Variants in TACR2 observed in about 807,000 individuals in gnomAD.
TACR2 encodes the protein tachykinin receptor 2, also known as substance-K receptor.
TACR2 carries 24 observed loss-of-function variants against 28.9 expected under a neutral mutation model. The ratio of observed to expected loss-of-function variants is 0.83; its 90% CI spans 0.60 to 1.17. The LOEUF is 1.17. Among genes scored for constraint, TACR2 ranks in the 50% most tolerant of loss-of-function variants. The pLI, the probability that TACR2 is intolerant of heterozygous loss-of-function variation, is 0.00. For missense variants in TACR2, 487 were observed against 524.4 expected (o/e 0.93, Z 0.70); for synonymous variants, 222 against 212.6 (o/e 1.04, Z -0.38).
At chr10:69,415,897 G>T in intron 1 of TACR2, 35 bp downstream of exon 1, 1 of 1,601,784 alleles carries the variant, frequency 6.2e-7, no homozygotes, top group Non-Finnish European at 8.5e-7. Flanking sequence ...GCTCAGTGGG[G>T]AGGCTCCCCC....
At chr10:69,407,312 G>A in intron 3 of TACR2, 32 bp from the exon 4 acceptor site, 2 of 1,583,178 alleles carry the variant, frequency 1.3e-6, no homozygotes, top group South Asian at 2.3e-5. Context: ...TTACTTCTTA[G>A]TGCCCAAGCC....
chr10:69,415,461 T>G (rs542154314), intron 1 of TACR2, among the ~76,000 whole-genome samples: 1 of 152,294 alleles, frequency 6.6e-6, no homozygotes, highest in African/African-American at 2.4e-5. Flanking sequence ...CATCCAACAT[T>G]AGCCTGAAGC....
At chr10:69,409,364 A>C (rs923699896) in intron 2 of TACR2, 5 of 282,932 alleles carry the variant, frequency 1.8e-5, no homozygotes, top group Non-Finnish European at 3.3e-5. Flanking sequence ...AAAGTGAATG[A>C]AACAAATTAA....
At chr10:69,409,878 TATAC>T (rs1174759947) in intron 2 of TACR2, among the ~76,000 whole-genome samples, 12 of 16,766 alleles carry the variant, frequency 7.2e-4, no homozygotes, top group African/African-American at 4.3e-3. Context: ...TATATATATA[TATAC>T]ATATATACAT....
rs964555719 is a variant in TACR2 at position 69,414,974 on chromosome 10, G to A, written c.558C>T (p.Pro186=). The A allele has an allele frequency of 1.2e-6, 2 of 1,612,878 alleles. No homozygotes were observed. Among genetic ancestry groups the A allele is most frequent in the Non-Finnish European group, 1.7e-6 (2 of 1,179,460 alleles). The change falls in exon 2 of 5, where the codon CCC becomes CCT. Residue 186 remains proline (P), a synonymous_variant. Transcript: ENST00000373306. ...QGATKCVVAW[P]EDSGGKTLLL... The stretch of plus-strand genomic sequence containing the variant: ...GGAGCGTCTTGCCCCCGCTGTCTTC[G>A]GGCCAGGCCACCACGCACTTGGTGG...
intron 1 of TACR2, among the ~76,000 whole-genome samples, chr10:69,415,586 A>G (rs1840607876): frequency 6.6e-6 from 1 of 152,242 alleles, no homozygotes; most frequent in Non-Finnish European, 1.5e-5. Context: ...AAACTGTATA[A>G]GACATATCTT....
At chr10:69,411,196 G>C (rs968698732) in intron 2 of TACR2, among the ~76,000 whole-genome samples, 2 of 152,128 alleles carry the variant, frequency 1.3e-5, no homozygotes, top group South Asian at 4.1e-4. Flanking sequence ...GGCTTGCTGC[G>C]CCCCTTTCTA....
intron 3 of TACR2, 112 bp from the exon 4 acceptor site, chr10:69,407,392 G>C: frequency 9.8e-7 from 1 of 1,022,816 alleles, no homozygotes; most frequent in South Asian, 1.7e-5. Context: ...TCCACACACA[G>C]ACCCCGTTAG....
At chr10:69,413,826 T>G (rs1840588294) in intron 2 of TACR2, among the ~76,000 whole-genome samples, 1 of 152,212 alleles carries the variant, frequency 6.6e-6, no homozygotes, top group South Asian at 2.1e-4. Context: ...TGTGTTTTCA[T>G]GTGTCCCCTA....
In TACR2 at chr10:69,404,425, A is replaced by G. The variant is rs5030893; in HGVS notation, c.*401T>C. 22,349 of 154,750 alleles carry G rather than the reference A, an allele frequency of 0.14. 1,984 individuals carry two copies. The highest frequency in any genetic ancestry group is 0.19 in the Non-Finnish European group (13,395 of 69,798). 9.6% of individuals were successfully genotyped at this position (154,750 alleles called of 1,614,324 possible). On this transcript the variant is annotated 3_prime_UTR_variant, in exon 5 of 5. Coordinates refer to ENST00000373306, the MANE Select transcript of TACR2 (RefSeq NM_001057.3). ...AGCCAGGCACAAGGCTTCAGGGTTC[A>G]ATAGGCACCTATCTCAGTCCATTTG...
chr10:69,410,190 A>G (rs1840557999), intron 2 of TACR2, among the ~76,000 whole-genome samples: 1 of 151,838 alleles, frequency 6.6e-6, no homozygotes, highest in Non-Finnish European at 1.5e-5. Context: ...CAGGGAGGAC[A>G]CTGGGTTGTG....
chr10:69,413,580 C>T (rs897776583), intron 2 of TACR2, among the ~76,000 whole-genome samples: 3 of 152,192 alleles, frequency 2.0e-5, no homozygotes, highest in East Asian at 1.9e-4. Flanking sequence ...GGCCTGCCCT[C>T]GAGACTCGCC....
Position 69,416,578 on chromosome 10 carries a change from T to C in TACR2, c.-255A>G, listed in dbSNP as rs991219400. Reference sequence around the variant, plus strand: ...TTCCGGCCAGACTTCTCGAATATCATGTGGAAACACAGAATTCAAATCACA... The same window carrying C: ...TTCCGGCCAGACTTCTCGAATATCACGTGGAAACACAGAATTCAAATCACA... On this transcript the variant is annotated 5_prime_UTR_variant, in exon 1 of 5. The change abolishes an upstream ATG in the 5' untranslated region. Transcript: ENST00000373306. The C allele has an allele frequency of 1.4e-5, 6 of 437,764 alleles. No homozygotes were observed. 27.1% of individuals were successfully genotyped at this position (437,764 alleles called of 1,614,324 possible).
intron 4 of TACR2, 128 bp downstream of exon 4, chr10:69,406,956 G>T: frequency 2.1e-6 from 2 of 943,546 alleles, no homozygotes; most frequent in East Asian, 2.6e-5. Context: ...TTCTCATGTA[G>T]GCTGGGGGCA....
At chr10:69,412,465 T>C (rs1840577595) in intron 2 of TACR2, among the ~76,000 whole-genome samples, 1 of 152,104 alleles carries the variant, frequency 6.6e-6, no homozygotes, top group Admixed American at 6.5e-5. Flanking sequence ...AGAGTGAGGA[T>C]CTACAGGGCC....
intron 2 of TACR2, among the ~76,000 whole-genome samples, chr10:69,412,853 C>T (rs889452926): frequency 1.9e-4 from 29 of 152,228 alleles, no homozygotes; most frequent in Middle Eastern, 3.4e-3. Context: ...TGTTTTGAGA[C>T]GGAGTTTCAC....
Position 69,408,875 on chromosome 10 carries a change from GCCCCCTCCAGGCCCCGCCCCCT to G in TACR2, c.741+25_741+46del, listed in dbSNP as rs1564580611. 1.4e-3 allele frequency: 48 copies of G among 34,646 alleles called. 4 individuals carry two copies. In the Middle Eastern group the frequency reaches 0.13, roughly 93 times the overall value. The allele number at this position is 34,646 out of a possible 1,614,324, so 2.1% of individuals were successfully genotyped here. On this transcript the variant is annotated intron_variant, in intron 3 of 4. Transcript: ENST00000373306. ...GAGGCCTCGCCCCCGCCAGCCCCCC[GCCCCCTCCAGGCCCCGCCCCCT>G]CCAGGCCCCCGCCCCCGCGCCCACC...
rs140763069 is a variant in TACR2 at position 69,416,178 on chromosome 10, G to C, written c.146C>G (p.Thr49Arg). 1.2e-6 allele frequency: 2 copies of C among 1,614,170 alleles called. No homozygotes were observed. The highest frequency in any genetic ancestry group is 2.7e-5 in the African/African-American group (2 of 75,040). ...AYLALVLVAV[T>R]GNAIVIWIIL... ...GATCCAGATGACGATGGCATTACCC[G>C]TCACGGCCACCAGCACCAGGGCCAG... is the stretch of plus-strand genomic sequence containing the variant. Residue 49 changes from threonine to arginine, a missense_variant, in exon 1 of 5, where the codon ACG (threonine) becomes AGG (arginine). Thr to Arg is a moderately conservative substitution (Grantham distance 71). Coordinates refer to ENST00000373306, the MANE Select transcript of TACR2 (RefSeq NM_001057.3).
intron 2 of TACR2, 114 bp from the exon 3 acceptor site, chr10:69,409,189 C>G (rs1549797): frequency 0.56 from 655,086 of 1,169,054 alleles, 186,054 homozygotes; most frequent in African/African-American, 0.69. Context: ...GCGGGCCCAC[C>G]CTGGGCGCCT....
Sources: gnomAD v4.1 joint callset for allele counts (sites outside exome capture counted in the v4.1 genomes callset) on GRCh38, gnomAD v4.1.1 for gene constraint, MANE v1.5 for transcripts, NCBI Gene and HGNC (gene_info 2026-07-23, HGNC 2026-07-21) for gene names.